The following STRN3 variants were observed in gnomAD, a reference collection of about 807,000 sequenced individuals.
STRN3 encodes striatin 3, also known as striatin-3.
A neutral mutation model predicts 95.6 loss-of-function variants in STRN3; 29 were observed. The observed-to-expected ratio is 0.30, with a 90% CI of 0.23 to 0.41. The LOEUF is 0.41. Among genes scored for constraint, STRN3 ranks in the 10% least tolerant of loss-of-function variants. The pLI is 1.00. For missense variants in STRN3, 890 were observed against 972.1 expected (o/e 0.92, Z 1.12); for synonymous variants, 331 against 357.6 (o/e 0.93, Z 0.84).
At chr14:30,932,624 A>C (rs1878598983) in intron 7 of STRN3, among the ~76,000 whole-genome samples, 1 of 152,202 alleles carries the variant, frequency 6.6e-6, no homozygotes, top group African/African-American at 2.4e-5. Flanking sequence ...AGGTACTGTC[A>C]AATATTGATA....
intron 8 of STRN3, among the ~76,000 whole-genome samples, chr14:30,921,111 C>G (rs1896874442): frequency 6.6e-6 from 1 of 150,842 alleles, no homozygotes; most frequent in Admixed American, 6.6e-5. Flanking sequence ...CACACACTTC[C>G]TTATCTTCTA....
intron 7 of STRN3, among the ~76,000 whole-genome samples, chr14:30,929,974 A>AAAAAAAAAC (rs1566441515): frequency 6.7e-6 from 1 of 149,904 alleles, no homozygotes; most frequent in Non-Finnish European, 1.5e-5. Flanking sequence ...AAAAAAAAAA[A>AAAAAAAAAC]AAAAACTCAA....
At chr14:31,022,645 G>A (rs540736306) in intron 1 of STRN3, among the ~76,000 whole-genome samples, 1 of 151,622 alleles carries the variant, frequency 6.6e-6, no homozygotes, top group African/African-American at 2.4e-5. Context: ...TTACAAGTCA[G>A]ATTCCACTCT....
At chr14:30,941,947 A>G (rs771330178) in intron 5 of STRN3, among the ~76,000 whole-genome samples, 2 of 152,188 alleles carry the variant, frequency 1.3e-5, no homozygotes, top group Non-Finnish European at 2.9e-5. Context: ...AATAAACTTT[A>G]AACCAATTCT....
intron 1 of STRN3, among the ~76,000 whole-genome samples, chr14:30,985,284 G>A (rs1881626791): frequency 7.0e-6 from 1 of 142,484 alleles, no homozygotes; most frequent in Non-Finnish European, 1.5e-5. Flanking sequence ...CTCCAGCCTG[G>A]GCAACAAGAG....
intron 1 of STRN3, among the ~76,000 whole-genome samples, chr14:31,002,866 G>C (rs1385534426): frequency 6.6e-6 from 1 of 152,066 alleles, no homozygotes; most frequent in East Asian, 1.9e-4. Flanking sequence ...TTGTTTAATG[G>C]GTATAGCTTC....
chr14:30,988,627 G>A (rs1202488832), intron 1 of STRN3, among the ~76,000 whole-genome samples: 1 of 152,112 alleles, frequency 6.6e-6, no homozygotes. Flanking sequence ...TGAAGTCATG[G>A]TACAATTATA....
intron 1 of STRN3, among the ~76,000 whole-genome samples, chr14:31,006,594 C>T (rs551665257): frequency 1.3e-5 from 2 of 151,982 alleles, no homozygotes; most frequent in South Asian, 4.2e-4. Context: ...ACTTGGGAGG[C>T]TAAGACAGGA....
chr14:30,895,863 G>C (rs1896132151), intron 16 of STRN3, 115 bp from the exon 17 acceptor site: 5 of 836,950 alleles, frequency 6.0e-6, no homozygotes, highest in Non-Finnish European at 9.1e-6. Flanking sequence ...TTTTTATTGT[G>C]GTAAAATATA....
chr14:30,960,017 C>G (rs1008052713), intron 1 of STRN3, among the ~76,000 whole-genome samples: 3 of 151,576 alleles, frequency 2.0e-5, no homozygotes, highest in Non-Finnish European at 2.9e-5. Flanking sequence ...CTAAAATTTA[C>G]CAAAAAAAAA....
At chr14:30,909,777 C>T (rs1896561320) in intron 13 of STRN3, among the ~76,000 whole-genome samples, 1 of 152,088 alleles carries the variant, frequency 6.6e-6, no homozygotes, top group Non-Finnish European at 1.5e-5. Context: ...TGTGTCCAGC[C>T]TGAACTGTAT....
chr14:30,926,476 T>C (rs1361836686), intron 8 of STRN3, among the ~76,000 whole-genome samples: 2 of 151,946 alleles, frequency 1.3e-5, no homozygotes, highest in Non-Finnish European at 2.9e-5. Context: ...AAATAAATAG[T>C]CTCTGAGTGG....
chr14:30,929,967 A>AAAAAAAAACAAAAAAC (rs1555317342), intron 7 of STRN3, among the ~76,000 whole-genome samples: 2 of 91,210 alleles, frequency 2.2e-5, no homozygotes, highest in East Asian at 3.2e-4. Context: ...AAAAAAAAAA[A>AAAAAAAAACAAAAAAC]AAAAAAAAAA....
At chr14:30,933,878 G>GT (rs1223257952) in intron 7 of STRN3, among the ~76,000 whole-genome samples, 3 of 152,006 alleles carry the variant, frequency 2.0e-5, no homozygotes, top group Non-Finnish European at 2.9e-5. Flanking sequence ...TACATATTAG[G>GT]TTTTTTCTCT....
At chr14:30,920,834 CT>C (rs1290064413) in intron 8 of STRN3, among the ~76,000 whole-genome samples, 34 of 152,256 alleles carry the variant, frequency 2.2e-4, no homozygotes, top group African/African-American at 7.7e-4. Context: ...CTTCCACACT[CT>C]TTGGATCAAA....
intron 1 of STRN3, among the ~76,000 whole-genome samples, chr14:31,012,894 CAA>C (rs58755942): frequency 2.0e-4 from 16 of 79,090 alleles, no homozygotes; most frequent in Admixed American, 2.8e-4. Flanking sequence ...AACTCCGTCT[CAA>C]AAAAAAAAAA....
At chr14:30,937,635 A>G (rs1190265398) in intron 5 of STRN3, among the ~76,000 whole-genome samples, 1 of 152,172 alleles carries the variant, frequency 6.6e-6, no homozygotes, top group Admixed American at 6.5e-5. Context: ...AGCTGAACAA[A>G]GACTTTCACC....
At chr14:30,945,850 G>A (rs1351007572) in intron 5 of STRN3, among the ~76,000 whole-genome samples, 1 of 152,160 alleles carries the variant, frequency 6.6e-6, no homozygotes, top group Non-Finnish European at 1.5e-5. Flanking sequence ...GAGATAGGGA[G>A]AAATGGAGAG....
intron 3 of STRN3, among the ~76,000 whole-genome samples, chr14:30,955,030 C>T (rs79566513): frequency 0.018 from 2,784 of 152,034 alleles, 88 homozygotes; most frequent in African/African-American, 0.063. Context: ...AGTAGACCTT[C>T]CATGTTTCTG....
Sources: gnomAD v4.1 joint callset for allele counts (sites outside exome capture counted in the v4.1 genomes callset) on GRCh38, gnomAD v4.1.1 for gene constraint, MANE v1.5 for transcripts, NCBI Gene and HGNC (gene_info 2026-07-23, HGNC 2026-07-21) for gene names.